BMERB1: variants seen among roughly 807,000 people sequenced by gnomAD.
BMERB1 encodes bMERB domain containing 1, also known as bMERB domain-containing protein 1.
In BMERB1, 12 loss-of-function variants were observed where a neutral mutation model predicts 23.6. That is an observed-to-expected ratio of 0.51 (90% CI 0.33 to 0.82). The LOEUF is 0.82. BMERB1 is among the 40% of genes least tolerant of loss of function. The pLI is 0.03. For missense variants in BMERB1, 247 were observed against 255.4 expected, an observed-to-expected ratio of 0.97 and a Z score of 0.22; for synonymous variants, 122 against 96.6, an observed-to-expected ratio of 1.26 and a Z score of -1.54.
intron 2 of BMERB1, among the ~76,000 whole-genome samples, chr16:15,532,142 C>G (rs2051973692): frequency 6.6e-6 from 1 of 152,202 alleles, no homozygotes; most frequent in Non-Finnish European, 1.5e-5. Context: ...CCCCTAAACT[C>G]CTCGGGGATC....
chr16:15,453,404 C>A (rs2051058532), intron 1 of BMERB1, among the ~76,000 whole-genome samples: 1 of 152,100 alleles, frequency 6.6e-6, no homozygotes, highest in South Asian at 2.1e-4. Context: ...ACAGCAAGAC[C>A]CTGTCTCTAC....
At chr16:15,478,613 A>G (rs2150934360) in intron 1 of BMERB1, among the ~76,000 whole-genome samples, 1 of 152,206 alleles carries the variant, frequency 6.6e-6, no homozygotes, top group East Asian at 1.9e-4. Context: ...AGGTCAAACT[A>G]TTTTCCTAAT....
intron 1 of BMERB1, among the ~76,000 whole-genome samples, chr16:15,446,441 C>T (rs2050990680): frequency 6.6e-6 from 1 of 152,128 alleles, no homozygotes; most frequent in Non-Finnish European, 1.5e-5. Context: ...GCATGAAGTT[C>T]TTCCTATGAG....
At chr16:15,527,216 T>C (rs1293184727) in intron 2 of BMERB1, among the ~76,000 whole-genome samples, 1 of 152,102 alleles carries the variant, frequency 6.6e-6, no homozygotes, top group East Asian at 1.9e-4. Flanking sequence ...CTCTGTACCA[T>C]TCAACACTCA....
intron 1 of BMERB1, chr16:15,448,013 C>T (rs2150923164): frequency 2.4e-6 from 1 of 422,654 alleles, no homozygotes; most frequent in South Asian, 1.7e-5. Context: ...CCTCAGCCTC[C>T]TGAGTAGCCG....
chr16:15,456,239 A>C (rs762449657), intron 1 of BMERB1, among the ~76,000 whole-genome samples: 14 of 152,180 alleles, frequency 9.2e-5, no homozygotes, highest in Non-Finnish European at 1.3e-4. Flanking sequence ...ATTTTAAAAA[A>C]TGAATTGGAT....
chr16:15,531,859 T>TC (rs1246084725), intron 2 of BMERB1, among the ~76,000 whole-genome samples: 1 of 152,140 alleles, frequency 6.6e-6, no homozygotes, highest in Non-Finnish European at 1.5e-5. Flanking sequence ...TGAGCCTCCT[T>TC]CCCACATTTT....
intron 2 of BMERB1, chr16:15,533,010 C>T (rs1377711296): frequency 2.2e-6 from 1 of 455,862 alleles, no homozygotes; most frequent in Admixed American, 2.4e-5. Context: ...GCACAAATAT[C>T]TTACCTTCTC....
chr16:15,489,743 C>T, intron 1 of BMERB1, among the ~76,000 whole-genome samples: 1 of 152,174 alleles, frequency 6.6e-6, no homozygotes, highest in Non-Finnish European at 1.5e-5. Flanking sequence ...TACTCTGCTC[C>T]TCCCACGCCA....
intron 2 of BMERB1, among the ~76,000 whole-genome samples, chr16:15,552,906 GCTCACC>G (rs962698461): frequency 2.0e-5 from 3 of 152,160 alleles, no homozygotes; most frequent in Non-Finnish European, 4.4e-5. Context: ...AGGCACAGTG[GCTCACC>G]CCTGTTATCT....
At chr16:15,582,462 C>T (rs908636870) in intron 4 of BMERB1, among the ~76,000 whole-genome samples, 18 of 152,092 alleles carry the variant, frequency 1.2e-4, no homozygotes, top group South Asian at 4.1e-4. Flanking sequence ...TCCTTACCTC[C>T]GGTTCTGCTT....
At chr16:15,547,869 T>A (rs2029968906) in intron 2 of BMERB1, among the ~76,000 whole-genome samples, 1 of 152,214 alleles carries the variant, frequency 6.6e-6, no homozygotes, top group Non-Finnish European at 1.5e-5. Flanking sequence ...AGCTGTGGGA[T>A]CTTCCTGTAT....
At chr16:15,538,442 A>T (rs1276702704) in intron 2 of BMERB1, among the ~76,000 whole-genome samples, 1 of 149,936 alleles carries the variant, frequency 6.7e-6, no homozygotes. Flanking sequence ...ACAGAGCAAG[A>T]CTCTGTCTCA....
chr16:15,494,877 C>CTTTTTTTTTTTTTT (rs754135430), intron 1 of BMERB1, among the ~76,000 whole-genome samples: 12 of 95,158 alleles, frequency 1.3e-4, no homozygotes, highest in Non-Finnish European at 1.4e-4. Context: ...TTTTTTTTAT[C>CTTTTTTTTTTTTTT]TTTTTTTTTT....
chr16:15,445,732 T>G (rs955544364), intron 1 of BMERB1, among the ~76,000 whole-genome samples: 5 of 152,170 alleles, frequency 3.3e-5, no homozygotes, highest in Non-Finnish European at 7.3e-5. Context: ...CTTAAAAATT[T>G]AAACATACAC....
intron 2 of BMERB1, among the ~76,000 whole-genome samples, chr16:15,564,727 T>C (rs1452453644): frequency 3.9e-5 from 6 of 152,250 alleles, no homozygotes; most frequent in African/African-American, 1.4e-4. Context: ...TGTTGCTACA[T>C]TGACTAAAAG....
intron 1 of BMERB1, among the ~76,000 whole-genome samples, chr16:15,468,014 A>C (rs1169939717): frequency 6.6e-6 from 1 of 152,080 alleles, no homozygotes; most frequent in Non-Finnish European, 1.5e-5. Flanking sequence ...GGGGTTGTGG[A>C]GACCAAGGTT....
chr16:15,519,421 C>T (rs980378129), intron 2 of BMERB1, among the ~76,000 whole-genome samples: 5 of 152,100 alleles, frequency 3.3e-5, no homozygotes, highest in South Asian at 2.1e-4. Flanking sequence ...GACAGAGTCT[C>T]GCTCTGTCGC....
intron 2 of BMERB1, among the ~76,000 whole-genome samples, chr16:15,563,120 G>A (rs1079119): frequency 0.2 from 30,132 of 152,102 alleles, 3,421 homozygotes; most frequent in East Asian, 0.31. Flanking sequence ...AGTGGCTCAC[G>A]CCTGTAATCC....
Sources: allele counts gnomAD v4.1 joint callset (sites outside exome capture counted in the v4.1 genomes callset), GRCh38; gene constraint gnomAD v4.1.1; transcripts MANE v1.5; gene names NCBI Gene and HGNC (gene_info 2026-07-23, HGNC 2026-07-21).